The following DPP8 variants were observed in gnomAD, a reference collection of about 807,000 sequenced individuals.
DPP8 encodes DPP VIII.
In DPP8, 31 loss-of-function variants were observed where a neutral mutation model predicts 107.5. That is an observed-to-expected ratio of 0.29 (90% CI 0.22 to 0.39). The LOEUF (loss-of-function observed/expected upper bound fraction) is 0.39. Among genes scored for constraint, DPP8 ranks in the 10% least tolerant of loss-of-function variants. The pLI is 1.00. For synonymous variants in DPP8, 381 were observed against 356.6 expected, an observed-to-expected ratio of 1.07 and a Z score of -0.77; for missense variants, 842 against 1,076.1, an observed-to-expected ratio of 0.78 and a Z score of 3.04.
chr15:65,498,368 G>T (rs1001216741), intron 4 of DPP8, among the ~76,000 whole-genome samples: 1 of 151,878 alleles, frequency 6.6e-6, no homozygotes, highest in Non-Finnish European at 1.5e-5. Context: ...GTTGCAGTGA[G>T]CCAAGATCGT....
chr15:65,447,228 G>A (rs1363155204), intron 19 of DPP8, among the ~76,000 whole-genome samples: 5 of 152,052 alleles, frequency 3.3e-5, no homozygotes, highest in African/African-American at 1.2e-4. Context: ...CCAATGGTTT[G>A]TTCTCTAAGT....
chr15:65,449,973 TA>T (rs1297148254), intron 19 of DPP8, among the ~76,000 whole-genome samples: 1 of 151,864 alleles, frequency 6.6e-6, no homozygotes, highest in Non-Finnish European at 1.5e-5. Flanking sequence ...TTATTATTAT[TA>T]TTTTTTTTTT....
intron 3 of DPP8, 29 bp from the exon 4 acceptor site, chr15:65,500,808 A>G (rs1596090208): frequency 3.2e-6 from 5 of 1,563,610 alleles, no homozygotes; most frequent in Non-Finnish European, 4.4e-6. Context: ...CACCTATTCC[A>G]GTCTTCTGAA....
intron 19 of DPP8, among the ~76,000 whole-genome samples, chr15:65,448,876 A>ATGTGTGTGTGTG (rs1270279189): frequency 9.8e-5 from 3 of 30,512 alleles, no homozygotes; most frequent in African/African-American, 5.8e-4. Flanking sequence ...ATATATATAT[A>ATGTGTGTGTGTG]TATATATATA....
intron 5 of DPP8, among the ~76,000 whole-genome samples, chr15:65,496,044 T>C (rs1384483288): frequency 6.6e-6 from 1 of 151,840 alleles, no homozygotes; most frequent in Non-Finnish European, 1.5e-5. Flanking sequence ...AATGCAGTGG[T>C]GTGATCTCAG....
intron 3 of DPP8, among the ~76,000 whole-genome samples, chr15:65,505,210 C>A (rs564327640): frequency 6.6e-6 from 1 of 152,026 alleles, no homozygotes; most frequent in East Asian, 1.9e-4. Context: ...AAAAAATTAG[C>A]TGGGCATGGT....
At chr15:65,448,870 A>ATATATATGTGTGTG (rs1567125150) in intron 19 of DPP8, among the ~76,000 whole-genome samples, 3 of 6,360 alleles carry the variant, frequency 4.7e-4, no homozygotes, top group African/African-American at 1.8e-3. Context: ...TCTAAAATAT[A>ATATATATGTGTGTG]TATATATATA....
At chr15:65,474,864 G>A (rs2066240014) in intron 11 of DPP8, among the ~76,000 whole-genome samples, 1 of 152,182 alleles carries the variant, frequency 6.6e-6, no homozygotes, top group South Asian at 2.1e-4. Context: ...CAATACTCTG[G>A]AATAATAATG....
chr15:65,482,693 G>C (rs1288790490), intron 8 of DPP8, among the ~76,000 whole-genome samples: 3 of 152,138 alleles, frequency 2.0e-5, no homozygotes, highest in African/African-American at 7.2e-5. Context: ...GATCTGAATA[G>C]ACAGTCCTCC....
At chr15:65,477,319 C>T (rs889231669) in intron 11 of DPP8, among the ~76,000 whole-genome samples, 9 of 151,768 alleles carry the variant, frequency 5.9e-5, no homozygotes, top group Middle Eastern at 3.2e-3. Flanking sequence ...TGCTTGAACC[C>T]GGGAGGCGGA....
Position 65,487,706 on chromosome 15 carries a change from G to C in DPP8, c.939C>G (p.Phe313Leu). The change falls in exon 7 of 20, where the codon TTC becomes TTG. Residue 313 changes from phenylalanine (F) to leucine (L), a missense_variant. Around this residue, in one of 2 missense-constraint regions of DPP8, gnomAD observed 663 missense variants for 758.0 expected, o/e 0.87. Coordinates refer to ENST00000300141, the MANE Select transcript of DPP8 (RefSeq NM_130434.5). ...GTACAGTACCTGTTTTAGGATAACG[G>C]AATGAATCTGCCCTCCTTGTTTCCA... is the stretch of plus-strand genomic sequence containing the variant. Reference protein sequence around the residue: ...PMLETRRADSFRYPKTGTANP... With the variant: ...PMLETRRADSLRYPKTGTANP... The C allele has an allele frequency of 1.2e-6, 2 of 1,608,564 alleles. No individual in the cohort carries two copies. The highest frequency in any genetic ancestry group is 1.7e-6 in the Non-Finnish European group (2 of 1,177,682).
intron 5 of DPP8, among the ~76,000 whole-genome samples, chr15:65,497,573 G>C (rs1441882418): frequency 2.0e-5 from 3 of 152,104 alleles, no homozygotes; most frequent in South Asian, 2.1e-4. Flanking sequence ...ATTTTAATAA[G>C]AACAGTTTTG....
At chr15:65,463,059 G>A (rs969518531) in intron 15 of DPP8, among the ~76,000 whole-genome samples, 1 of 152,200 alleles carries the variant, frequency 6.6e-6, no homozygotes, top group Non-Finnish European at 1.5e-5. Flanking sequence ...AGAATGAAGA[G>A]GGAGAATTCA....
At chr15:65,473,148 G>A (rs989089293) in intron 12 of DPP8, among the ~76,000 whole-genome samples, 1 of 151,552 alleles carries the variant, frequency 6.6e-6, no homozygotes, top group Non-Finnish European at 1.5e-5. Flanking sequence ...CCAACATGAC[G>A]AAACCCTCTC....
chr15:65,478,918 C>T lies in DPP8; in HGVS notation c.1418G>A (p.Ser473Asn), dbSNP rs763770629. Reference protein sequence around the residue: ...LYKITSILKESKYKRSSGGLP... With the variant: ...LYKITSILKENKYKRSSGGLP... ...CCCACCACTGGATCGTTTATATTTG[C>T]TTTCCTTTAAAATAGATGTAATTTT... Residue 473 changes from serine to asparagine, a missense_variant, in exon 11 of 20, where the codon AGC becomes AAC. Ser to Asn is a conservative substitution (Grantham distance 46). Around this residue, in one of 2 missense-constraint regions of DPP8, gnomAD observed 663 missense variants for 758.0 expected, o/e 0.87. Transcript: ENST00000300141. 6 of 1,585,910 alleles carry T rather than the reference C, an allele frequency of 3.8e-6. No individual in the cohort carries two copies. In the East Asian group the frequency reaches 1.4e-4, roughly 37 times the overall value.
intron 1 of DPP8, among the ~76,000 whole-genome samples, chr15:65,513,213 T>G (rs943677735): frequency 2.4e-4 from 34 of 139,872 alleles, no homozygotes; most frequent in African/African-American, 8.4e-4. Flanking sequence ...TTGTGGTGAC[T>G]CTACATTTTT....
At chr15:65,471,746 C>T (rs1595932896) in intron 12 of DPP8, among the ~76,000 whole-genome samples, 1 of 152,200 alleles carries the variant, frequency 6.6e-6, no homozygotes, top group East Asian at 1.9e-4. Context: ...CACTGGCCTC[C>T]CAAAGTGTTG....
intron 12 of DPP8, among the ~76,000 whole-genome samples, chr15:65,469,706 G>A (rs2065688561): frequency 1.3e-5 from 2 of 150,976 alleles, no homozygotes; most frequent in East Asian, 3.9e-4. Context: ...TGTGGTAGTG[G>A]ATGCCCATAA....
chr15:65,466,286 A>G (rs1163270758), intron 14 of DPP8, among the ~76,000 whole-genome samples: 1 of 151,884 alleles, frequency 6.6e-6, no homozygotes, highest in African/African-American at 2.4e-5. Flanking sequence ...CAACAGGCAC[A>G]CAGCACCACG....
Sources: gnomAD v4.1 joint callset for allele counts (sites outside exome capture counted in the v4.1 genomes callset) on GRCh38, gnomAD v4.1.1 for gene constraint, gnomAD v4.1.1 regional missense constraint, MANE v1.5 for transcripts, NCBI Gene and HGNC (gene_info 2026-07-23, HGNC 2026-07-21) for gene names.